YWHAG: variants seen among roughly 807,000 people sequenced by gnomAD.
The protein encoded by YWHAG is tyrosine 3-monooxygenase/tryptophan 5-monooxygenase activation protein gamma, also known as 14-3-3 protein gamma.
Under a neutral mutation model 23.3 loss-of-function variants are expected in YWHAG, and 1 was observed. That is an observed-to-expected ratio of 0.04 (90% confidence interval 0.02 to 0.20). YWHAG has a LOEUF of 0.20. Ranked by LOEUF, YWHAG falls within the 10% of genes least tolerant of loss-of-function variation. The pLI, the probability that YWHAG is intolerant of heterozygous loss-of-function variation, is 1.00. For missense variants in YWHAG, 151 were observed against 338.6 expected, an observed-to-expected ratio of 0.45 and a Z score of 4.35; for synonymous variants, 160 against 144.0, an observed-to-expected ratio of 1.11 and a Z score of -0.80.
intron 1 of YWHAG, among the ~76,000 whole-genome samples, chr7:76,348,712 GTATT>G (rs1009169229): frequency 1.3e-5 from 2 of 151,382 alleles, no homozygotes; most frequent in African/African-American, 4.9e-5. Flanking sequence ...CCTAATTTTT[GTATT>G]TTCTGTAGAG....
At chr7:76,345,074 G>T (rs952493813) in intron 1 of YWHAG, among the ~76,000 whole-genome samples, 3 of 152,068 alleles carry the variant, frequency 2.0e-5, no homozygotes, top group Admixed American at 6.6e-5. Context: ...GGGACACTGA[G>T]AGAGAGAACT....
intron 1 of YWHAG, among the ~76,000 whole-genome samples, chr7:76,354,212 T>C (rs1467491838): frequency 2.0e-5 from 3 of 151,984 alleles, no homozygotes; most frequent in African/African-American, 4.8e-5. Context: ...CTACCGAGCA[T>C]AGAAAGTGGT....
intron 1 of YWHAG, among the ~76,000 whole-genome samples, chr7:76,334,573 G>A (rs114419555): frequency 0.027 from 4,115 of 151,286 alleles, 199 homozygotes; most frequent in African/African-American, 0.094. Flanking sequence ...CTACCACCAC[G>A]CCCCCTAATT....
chr7:76,354,138 C>T (rs572200338), intron 1 of YWHAG, among the ~76,000 whole-genome samples: 1 of 150,164 alleles, frequency 6.7e-6, no homozygotes, highest in East Asian at 2.0e-4. Context: ...CACTAAGTAA[C>T]TTTCAAAAGA....
chr7:76,356,493 G>C (rs965397309), intron 1 of YWHAG, among the ~76,000 whole-genome samples: 2 of 152,100 alleles, frequency 1.3e-5, no homozygotes, highest in African/African-American at 4.8e-5. Flanking sequence ...TTCCCTACTA[G>C]TAACTGAAAA....
Position 76,327,667 on chromosome 7 carries a change from T to TCCCCCC in YWHAG, c.*1909_*1910insGGGGGG, listed in dbSNP as rs1583980148. On this transcript the variant is annotated 3_prime_UTR_variant, in exon 2 of 2. Coordinates refer to ENST00000307630, the MANE Select transcript of YWHAG (RefSeq NM_012479.4). ...AAATTAGGGAAAGCCCCACCTACCCTGCCCCCCCCCCCCTCCCCCCCCAAA... is the reference window on the plus strand; with the variant it reads ...AAATTAGGGAAAGCCCCACCTACCCTCCCCCCGCCCCCCCCCCCCTCCCCCCCCAAA... The TCCCCCC allele has an allele frequency of 2.7e-4, 2 of 7,312 alleles. No homozygotes were observed. The highest frequency in any genetic ancestry group is 2.5e-3 in the Admixed American group (2 of 806). The allele number at this position is 7,312 out of a possible 1,614,324, so 0.5% of individuals were successfully genotyped here. A position where few individuals can be genotyped will look rare whatever the true frequency, so the allele number is the denominator to read the frequency against.
At chr7:76,333,359 G>A (rs1296729395) in intron 1 of YWHAG, among the ~76,000 whole-genome samples, 2 of 152,294 alleles carry the variant, frequency 1.3e-5, no homozygotes, top group African/African-American at 2.4e-5. Flanking sequence ...CACCTTGGCC[G>A]CTCAGAGTGC....
At chr7:76,355,673 T>C (rs966651258) in intron 1 of YWHAG, among the ~76,000 whole-genome samples, 5 of 152,082 alleles carry the variant, frequency 3.3e-5, no homozygotes, top group African/African-American at 1.2e-4. Flanking sequence ...TAGAAAGAAT[T>C]TGAAAGTCTA....
At chr7:76,355,583 G>C (rs1264100269) in intron 1 of YWHAG, among the ~76,000 whole-genome samples, 3 of 152,096 alleles carry the variant, frequency 2.0e-5, no homozygotes, top group Non-Finnish European at 4.4e-5. Flanking sequence ...AGTCTACAGA[G>C]GTACCATTAC....
intron 1 of YWHAG, among the ~76,000 whole-genome samples, chr7:76,333,929 A>G (rs1311111077): frequency 6.6e-6 from 1 of 152,230 alleles, no homozygotes; most frequent in Non-Finnish European, 1.5e-5. Flanking sequence ...CTCCTGCCAC[A>G]AATGAAGTCT....
At chr7:76,349,999 C>A (rs1803851004) in intron 1 of YWHAG, among the ~76,000 whole-genome samples, 1 of 152,040 alleles carries the variant, frequency 6.6e-6, no homozygotes, top group Non-Finnish European at 1.5e-5. Flanking sequence ...CTCCAAAAAG[C>A]CATCTTCCAA....
chr7:76,333,772 C>T (rs542668904), intron 1 of YWHAG, among the ~76,000 whole-genome samples: 325 of 152,376 alleles, frequency 2.1e-3, no homozygotes, highest in African/African-American at 7.7e-3. Flanking sequence ...GTGCAGCCCT[C>T]ATGACTGCCT....
intron 1 of YWHAG, among the ~76,000 whole-genome samples, chr7:76,343,599 C>G (rs1441386438): frequency 6.6e-6 from 1 of 152,200 alleles, no homozygotes; most frequent in African/African-American, 2.4e-5. Flanking sequence ...CCTCCTGATT[C>G]TGTCATTCCT....
chr7:76,329,320 C>T lies in YWHAG; in HGVS notation c.*257G>A, dbSNP rs1405058981. ...AAGTTAAATTAGAGACAGACAGCTCCACTTGCATGAATCTACAGAACAGTC... is the reference window on the plus strand; with the variant it reads ...AAGTTAAATTAGAGACAGACAGCTCTACTTGCATGAATCTACAGAACAGTC... On this transcript the variant is annotated 3_prime_UTR_variant, in exon 2 of 2. Coordinates refer to ENST00000307630, the MANE Select transcript of YWHAG (RefSeq NM_012479.4). The surrounding 1 kb of genome is among the most constrained non-coding windows in gnomAD (Gnocchi z 6.1). The T allele has an allele frequency of 4.4e-6, 2 of 454,150 alleles. No homozygotes were observed. Among genetic ancestry groups the T allele is most frequent in the Admixed American group, 7.8e-5 (2 of 25,582 alleles). 28.1% of individuals were successfully genotyped at this position (454,150 alleles called of 1,614,324 possible). A position where few individuals can be genotyped will look rare whatever the true frequency, so the allele number is the denominator to read the frequency against.
chr7:76,341,698 A>C (rs532557525), intron 1 of YWHAG, among the ~76,000 whole-genome samples: 2 of 152,272 alleles, frequency 1.3e-5, no homozygotes, highest in South Asian at 4.1e-4. Flanking sequence ...AATCCATAGA[A>C]ATAGAAAGCA....
intron 1 of YWHAG, among the ~76,000 whole-genome samples, chr7:76,331,286 GGGAGAGGAGA>G (rs112289084): frequency 6.7e-6 from 1 of 150,188 alleles, no homozygotes; most frequent in Non-Finnish European, 1.5e-5. Flanking sequence ...GCTGGGGATG[GGGAGAGGAGA>G]GGAGAGGAGA....
intron 1 of YWHAG, among the ~76,000 whole-genome samples, chr7:76,357,688 T>A (rs892104627): frequency 1.2e-4 from 18 of 152,138 alleles, no homozygotes; most frequent in Admixed American, 6.5e-5. Flanking sequence ...CAACCAAAAA[T>A]TTTTAAAAAG....
intron 1 of YWHAG, among the ~76,000 whole-genome samples, chr7:76,350,614 C>A (rs944699085): frequency 6.6e-6 from 1 of 152,154 alleles, no homozygotes; most frequent in South Asian, 2.1e-4. Flanking sequence ...GAGGCCAAGG[C>A]GGGCACATCA....
chr7:76,356,585 C>A (rs1803964065), intron 1 of YWHAG, among the ~76,000 whole-genome samples: 1 of 152,166 alleles, frequency 6.6e-6, no homozygotes, highest in Admixed American at 6.6e-5. Context: ...CACAAGTATA[C>A]ATCCCATCTG....
Sources: allele counts gnomAD v4.1 joint callset (sites outside exome capture counted in the v4.1 genomes callset), GRCh38; gene constraint gnomAD v4.1.1; non-coding constraint Gnocchi (gnomAD v3.1); transcripts MANE v1.5; gene names NCBI Gene and HGNC (gene_info 2026-07-23, HGNC 2026-07-21).